Variants in PGM5 observed in about 807,000 individuals in gnomAD.
PGM5 encodes the protein phosphoglucomutase-like protein 5.
In PGM5, 23 loss-of-function variants were observed where a neutral mutation model predicts 59.2. That is an observed-to-expected ratio of 0.39 (90% CI 0.28 to 0.55). The LOEUF is 0.55. Ranked by LOEUF, PGM5 falls within the 20% of genes least tolerant of loss-of-function variation. The pLI is 0.66. For missense variants in PGM5, 574 were observed against 748.3 expected (o/e 0.77, Z 2.72); for synonymous variants, 214 against 286.0 (o/e 0.75, Z 2.54).
At chr9:68,491,402 G>A (rs761730057) in intron 9 of PGM5, among the ~76,000 whole-genome samples, 1 of 152,144 alleles carries the variant, frequency 6.6e-6, no homozygotes, top group South Asian at 2.1e-4. Context: ...AGTCCAATGT[G>A]GTTGTTATAT....
chr9:68,458,660 T>C (rs1554685136), intron 6 of PGM5, among the ~76,000 whole-genome samples: 13 of 152,138 alleles, frequency 8.5e-5, no homozygotes. Flanking sequence ...ATTTTGAAGT[T>C]TAGACCAGGC....
intron 7 of PGM5, among the ~76,000 whole-genome samples, chr9:68,468,014 A>T (rs563362608): frequency 0.012 from 1,785 of 149,504 alleles, 38 homozygotes; most frequent in African/African-American, 0.042. Flanking sequence ...CCTACAACCC[A>T]CCCTCCCTTC....
chr9:68,499,144 GCTGATTT>G, intron 9 of PGM5, 76 bp from the exon 10 acceptor site: 1 of 1,444,076 alleles, frequency 6.9e-7, no homozygotes, highest in Non-Finnish European at 9.6e-7. Flanking sequence ...ATAAAAACAT[GCTGATTT>G]CTGTGGCAGG....
chr9:68,503,049 C>T (rs1306507297), intron 10 of PGM5, among the ~76,000 whole-genome samples: 1 of 152,108 alleles, frequency 6.6e-6, no homozygotes, highest in Admixed American at 6.5e-5. Flanking sequence ...ACCTAAGAAC[C>T]AGGTCCCTCA....
At chr9:68,519,058 A>C (rs1285835058) in intron 10 of PGM5, among the ~76,000 whole-genome samples, 1 of 151,206 alleles carries the variant, frequency 6.6e-6, no homozygotes, top group Non-Finnish European at 1.5e-5. Context: ...AACACTAAAA[A>C]TAAGGAGACT....
At chr9:68,520,732 A>G (rs1465418898) in intron 10 of PGM5, among the ~76,000 whole-genome samples, 1 of 152,258 alleles carries the variant, frequency 6.6e-6, no homozygotes, top group Non-Finnish European at 1.5e-5. Flanking sequence ...AAGTCCTTTA[A>G]TATCATAAAA....
chr9:68,496,990 A>G (rs1824492204), intron 9 of PGM5: 1 of 132,328 alleles, frequency 7.6e-6, no homozygotes, highest in African/African-American at 2.6e-5. Flanking sequence ...ACGTGTAGTG[A>G]CAACGGGAAT....
chr9:68,519,754 G>A (rs533412857), intron 10 of PGM5, among the ~76,000 whole-genome samples: 1 of 151,620 alleles, frequency 6.6e-6, no homozygotes, highest in African/African-American at 2.4e-5. Flanking sequence ...TTAAATATAA[G>A]TGAACTAACT....
chr9:68,486,422 G>C (rs1372311403), intron 9 of PGM5, among the ~76,000 whole-genome samples: 4 of 152,094 alleles, frequency 2.6e-5, no homozygotes, highest in African/African-American at 9.7e-5. Context: ...CTCTTTAGCT[G>C]TCATCTTCCT....
intron 1 of PGM5, among the ~76,000 whole-genome samples, chr9:68,359,083 G>C (rs1319169230): frequency 6.6e-6 from 1 of 152,074 alleles, no homozygotes; most frequent in Non-Finnish European, 1.5e-5. Flanking sequence ...TCCAATACTT[G>C]TTGTGGGTCA....
chr9:68,505,072 C>T (rs1554688918), intron 10 of PGM5, among the ~76,000 whole-genome samples: 1 of 152,142 alleles, frequency 6.6e-6, no homozygotes, highest in Non-Finnish European at 1.5e-5. Context: ...CCAGTGGCCT[C>T]ATGGCAGAAT....
intron 6 of PGM5, among the ~76,000 whole-genome samples, chr9:68,395,533 A>G (rs1263534032): frequency 7.2e-5 from 11 of 152,078 alleles, no homozygotes; most frequent in Non-Finnish European, 1.3e-4. Flanking sequence ...CCATTTGGGG[A>G]GAATAGTATT....
chr9:68,484,408 C>A (rs1824253424), intron 9 of PGM5, among the ~76,000 whole-genome samples: 1 of 150,818 alleles, frequency 6.6e-6, no homozygotes, highest in South Asian at 2.1e-4. Context: ...GGCATGGTGG[C>A]ACACAATTGT....
chr9:68,526,280 G>A (rs542199795), intron 10 of PGM5, among the ~76,000 whole-genome samples: 5 of 152,330 alleles, frequency 3.3e-5, no homozygotes, highest in Admixed American at 3.3e-4. Flanking sequence ...CCGGAAGGCA[G>A]ATGACTCCAT....
In PGM5 at chr9:68,499,250, T is replaced by G. The variant is rs1824530284; in HGVS notation, c.1503T>G (p.Asp501Glu). The G allele has an allele frequency of 6.8e-6, 11 of 1,614,238 alleles. No individual in the cohort carries two copies. The highest frequency in any genetic ancestry group is 9.3e-6 in the Non-Finnish European group (11 of 1,180,044). The change falls in exon 10 of 11, where the codon GAT (aspartate) becomes GAG (glutamate). Residue 501 changes from aspartate to glutamate, a missense_variant. Asp to Glu is a conservative substitution (Grantham distance 45). Transcript: ENST00000396396. ...AGGGCCTAAGGATCATTTTCTCGGA[T>G]GCATCACGGCTCATCTTCCGGCTCA... ...KKQGLRIIFS[D>E]ASRLIFRLSS...
chr9:68,466,383 A>G (rs1445162008), intron 7 of PGM5: 6 of 239,782 alleles, frequency 2.5e-5, no homozygotes, highest in African/African-American at 1.2e-4. Flanking sequence ...ATCATTTAAC[A>G]TATTAGACAT....
intron 10 of PGM5, 133 bp from the exon 11 acceptor site, chr9:68,529,434 G>A (rs1472375499): frequency 1.5e-6 from 1 of 674,538 alleles, no homozygotes; most frequent in East Asian, 3.0e-5. Flanking sequence ...GGAAGCAAAT[G>A]TCCTGCTCAT....
In PGM5 at chr9:68,377,936, C is replaced by A. The variant is rs551303934; in HGVS notation, c.262-263C>A. Among the ~76,000 whole-genome samples, 8 of 152,310 alleles carry A rather than the reference C, an allele frequency of 5.3e-5. No individual in the cohort carries two copies. In the East Asian group the frequency reaches 1.4e-3, roughly 26 times the overall value. ...CCTCGATTATCAGAAGCAGATGTTTCAAACTACTGAAGATCAATGAGGCAT... is the reference window on the plus strand; with the variant it reads ...CCTCGATTATCAGAAGCAGATGTTTAAAACTACTGAAGATCAATGAGGCAT... On this transcript the variant is annotated intron_variant, in intron 1 of 10. Coordinates refer to ENST00000396396, the MANE Select transcript of PGM5 (RefSeq NM_021965.4).
intron 7 of PGM5, 143 bp downstream of exon 7, chr9:68,465,351 G>A (rs1341591081): frequency 3.6e-6 from 2 of 555,432 alleles, no homozygotes; most frequent in Non-Finnish European, 6.5e-6. Context: ...TAGAGTATGT[G>A]CTGTGATATG....
Sources: gnomAD v4.1 joint callset for allele counts (sites outside exome capture counted in the v4.1 genomes callset) on GRCh38, gnomAD v4.1.1 for gene constraint, MANE v1.5 for transcripts, NCBI Gene and HGNC (gene_info 2026-07-23, HGNC 2026-07-21) for gene names.